CFAP58: variants seen among roughly 807,000 people sequenced by gnomAD.
CFAP58 encodes cilia and flagella associated protein 58, also known as cilia- and flagella-associated protein 58.
A neutral mutation model predicts 119.5 loss-of-function variants in CFAP58; 88 were observed. That is an observed-to-expected ratio of 0.74 (90% confidence interval 0.62 to 0.88). The LOEUF is 0.88. CFAP58 is among the 40% of genes least tolerant of loss of function. The probability of loss-of-function intolerance (pLI) is 0.00; values close to 1 mark genes in which losing one functional copy is unlikely to be tolerated. For missense variants in CFAP58, 990 were observed against 1,021.2 expected (o/e 0.97, Z 0.42); for synonymous variants, 365 against 366.3 (o/e 1.00, Z 0.04).
chr10:104,384,068 AAATT>A (rs1446401340), intron 9 of CFAP58, among the ~76,000 whole-genome samples: 13 of 152,246 alleles, frequency 8.5e-5, no homozygotes, highest in Admixed American at 3.3e-4. Flanking sequence ...AAGGTTAAAT[AAATT>A]GTGTTACATT....
intron 9 of CFAP58, among the ~76,000 whole-genome samples, chr10:104,386,871 A>G (rs1376127211): frequency 6.6e-6 from 1 of 152,148 alleles, no homozygotes; most frequent in Admixed American, 6.5e-5. Flanking sequence ...ACATGTTACC[A>G]TGATGGATGA....
At position 104,381,271 on chromosome 10, in the gene CFAP58, C is replaced by T. The variant is rs920277823; in HGVS notation, c.1365+1051C>T. ...TAAACTGCTTAGGAGAGAGAAGGCT[C>T]GAGGATATATGTCTCCAAGAATGGC... On this transcript the variant is annotated intron_variant, in intron 9 of 17. Transcript: ENST00000369704. 5.9e-5 allele frequency among the ~76,000 whole-genome samples: 9 copies of T among 152,110 alleles called. No individual in the cohort carries two copies. In the East Asian group the frequency reaches 7.7e-4, roughly 13 times the overall value.
At chr10:104,444,587 A>G (rs1182819135) in intron 15 of CFAP58, among the ~76,000 whole-genome samples, 2 of 152,240 alleles carry the variant, frequency 1.3e-5, no homozygotes, top group Admixed American at 6.5e-5. Flanking sequence ...CAATCCATCA[A>G]ACATTTCATA....
intron 15 of CFAP58, among the ~76,000 whole-genome samples, chr10:104,442,235 T>C (rs1333540132): frequency 1.3e-5 from 2 of 152,190 alleles, no homozygotes; most frequent in Non-Finnish European, 2.9e-5. Context: ...TTAGGATTTC[T>C]GTGTTTAAGG....
chr10:104,386,561 C>G (rs772670033), intron 9 of CFAP58, among the ~76,000 whole-genome samples: 1 of 152,114 alleles, frequency 6.6e-6, no homozygotes, highest in Non-Finnish European at 1.5e-5. Flanking sequence ...TTCCTCTGTA[C>G]TTGGCTCCCC....
rs1209143293 is a variant in CFAP58, at chr10:104,364,875, C to T, written c.583C>T (p.His195Tyr). 3.1e-6 allele frequency: 5 copies of T among 1,611,712 alleles called. No homozygotes were observed. Among genetic ancestry groups the T allele is most frequent in the African/African-American group, 1.3e-5 (1 of 74,786 alleles). Residue 195 changes from histidine (H) to tyrosine (Y), a missense_variant, in exon 4 of 18, where the codon CAT becomes TAT. Coordinates refer to ENST00000369704, the MANE Select transcript of CFAP58 (RefSeq NM_001008723.2). ...AGAGCGATCAAAAGAGGAGGCTGAACATGCCATCAGTCAGGTCTGCCATGG... is the reference window on the plus strand; with the variant it reads ...AGAGCGATCAAAAGAGGAGGCTGAATATGCCATCAGTCAGGTCTGCCATGG... ...ETERSKEEAE[H>Y]AISQFQQEIQ...
rs199686571 is a variant in CFAP58, at chr10:104,447,763, G to A, written c.2322G>A (p.Ala774=). ...CCCGCCAGCCTGGACCTGAGGCTGCGGAACAGCTGAAGCTGTACCGACGCA... is the reference window on the plus strand; with the variant it reads ...CCCGCCAGCCTGGACCTGAGGCTGCAGAACAGCTGAAGCTGTACCGACGCA... ...VLARQPGPEA[A]EQLKLYRRTL... The change falls in exon 16 of 18, where the codon GCG becomes GCA. Residue 774 remains alanine, a synonymous_variant. Coordinates refer to ENST00000369704, the MANE Select transcript of CFAP58 (RefSeq NM_001008723.2). 353 of 1,614,022 alleles carry A rather than the reference G, an allele frequency of 2.2e-4. No individual in the cohort carries two copies. Among genetic ancestry groups the A allele is most frequent in the Non-Finnish European group, 2.8e-4 (335 of 1,180,016 alleles).
chr10:104,413,608 C>T (rs1249986041), intron 15 of CFAP58, among the ~76,000 whole-genome samples: 2 of 152,064 alleles, frequency 1.3e-5, no homozygotes, highest in Non-Finnish European at 2.9e-5. Flanking sequence ...CATCTGAATC[C>T]TTCAGGATTA....
the CFAP58 span, among the ~76,000 whole-genome samples, chr10:104,344,526 G>T: frequency 6.6e-6 from 1 of 152,128 alleles, no homozygotes; most frequent in Non-Finnish European, 1.5e-5. Context: ...CATGTGGCCC[G>T]TGAAGCCCAA....
At chr10:104,358,006 TACAC>T (rs968091469) in intron 1 of CFAP58, among the ~76,000 whole-genome samples, 2 of 133,310 alleles carry the variant, frequency 1.5e-5, no homozygotes, top group African/African-American at 5.8e-5. Context: ...TACACATATA[TACAC>T]ATATATGTAC....
intron 15 of CFAP58, among the ~76,000 whole-genome samples, chr10:104,431,611 G>C (rs1216558433): frequency 6.6e-6 from 1 of 151,986 alleles, no homozygotes; most frequent in Admixed American, 6.6e-5. Context: ...TGTCACATTT[G>C]TTTCAGATTT....
chr10:104,433,911 G>T (rs2012890783), intron 15 of CFAP58, among the ~76,000 whole-genome samples: 1 of 152,196 alleles, frequency 6.6e-6, no homozygotes, highest in Non-Finnish European at 1.5e-5. Context: ...TTACACGGCT[G>T]CTCTGGTCTC....
intron 7 of CFAP58, among the ~76,000 whole-genome samples, chr10:104,375,276 G>A (rs78138841): frequency 0.06 from 9,017 of 150,844 alleles, 535 homozygotes; most frequent in African/African-American, 0.16. Flanking sequence ...TTATATACAC[G>A]TATATTTACA....
Position 104,376,850 on chromosome 10 carries a change from A to T in CFAP58, c.1130A>T (p.Lys377Met). 6.2e-7 allele frequency: 1 copy of T among 1,613,714 alleles called. No homozygotes were observed. The highest frequency in any genetic ancestry group is 1.1e-5 in the South Asian group (1 of 91,060). The change falls in exon 8 of 18, where the codon AAG becomes ATG. Residue 377 changes from lysine (K) to methionine (M), a missense_variant. Physicochemically the swap from Lys to Met is moderately conservative, Grantham distance 95. Transcript: ENST00000369704. ...ASKKQAELDRKAMDELLRERD... is the reference protein window; with the variant it reads ...ASKKQAELDRMAMDELLRERD... ...AAGAAACAAGCAGAACTTGACAGAAAGGCAATGGACGAGCTTCTAAGAGAA... is the reference window on the plus strand; with the variant it reads ...AAGAAACAAGCAGAACTTGACAGAATGGCAATGGACGAGCTTCTAAGAGAA...
the CFAP58 span, among the ~76,000 whole-genome samples, chr10:104,348,316 T>C: frequency 6.6e-6 from 1 of 152,226 alleles, no homozygotes; most frequent in East Asian, 1.9e-4. Flanking sequence ...AAGTCAGTGT[T>C]TCTGCTTTTT....
chr10:104,421,656 C>T (rs569257661), intron 15 of CFAP58, among the ~76,000 whole-genome samples: 10 of 152,286 alleles, frequency 6.6e-5, no homozygotes, highest in Middle Eastern at 3.4e-3. Context: ...TTAGTGGATA[C>T]GACTCTTGAA....
chr10:104,406,624 C>T, intron 14 of CFAP58, 65 bp from the exon 15 acceptor site: 2 of 1,267,220 alleles, frequency 1.6e-6, no homozygotes, highest in South Asian at 1.2e-5. Context: ...GTGCATTTTA[C>T]ATAGAGGCCT....
At chr10:104,364,953 C>A in intron 4 of CFAP58, 64 bp downstream of exon 4, 3 of 1,525,570 alleles carry the variant, frequency 2.0e-6, no homozygotes, top group Admixed American at 4.1e-5. Context: ...CCTCCACAGT[C>A]TCTATTCCCA....
intron 15 of CFAP58, among the ~76,000 whole-genome samples, chr10:104,421,111 A>G (rs1280073645): frequency 1.3e-5 from 2 of 152,210 alleles, no homozygotes; most frequent in Non-Finnish European, 2.9e-5. Context: ...CTTAAACGTC[A>G]GAAGTCCACG....
Sources: gnomAD v4.1 joint callset for allele counts (sites outside exome capture counted in the v4.1 genomes callset) on GRCh38, gnomAD v4.1.1 for gene constraint, MANE v1.5 for transcripts, NCBI Gene and HGNC (gene_info 2026-07-23, HGNC 2026-07-21) for gene names.